CCDC87: variants seen among roughly 807,000 people sequenced by gnomAD.
CCDC87 encodes the protein coiled-coil domain-containing protein 87.
For synonymous variants in CCDC87, 434 were observed against 440.2 expected, an observed-to-expected ratio of 0.99 and a Z score of 0.18; for missense variants, 1,072 against 1,041.7, an observed-to-expected ratio of 1.03 and a Z score of -0.40.
chr11:66,590,601 G>C lies in CCDC87; in HGVS notation c.2415C>G (p.Tyr805Ter). The change falls in exon 1 of 1, where the codon TAC becomes TAG. Residue 805 changes from tyrosine to a stop codon, truncating the protein, a stop_gained. Transcript: ENST00000333861. LOFTEE classifies it low-confidence loss of function (END_TRUNC). The stretch of plus-strand genomic sequence containing the variant: ...CTTTGTCACTCTTCATCTTGTCCAG[G>C]TAGGGCCGCCCCTTGAAGATCACTG... ...GEPVIFKGRP[Y>*]LDKMKSDKVE... 2 of 1,614,210 alleles carry C rather than the reference G, an allele frequency of 1.2e-6. No individual in the cohort carries two copies. The highest frequency in any genetic ancestry group is 1.7e-6 in the Non-Finnish European group (2 of 1,180,044).
chr11:66,591,579 T>C lies in CCDC87; in HGVS notation c.1437A>G (p.Glu479=). The C allele has an allele frequency of 1.2e-6, 2 of 1,614,172 alleles. No homozygotes were observed. Among genetic ancestry groups the C allele is most frequent in the South Asian group, 2.2e-5 (2 of 91,084 alleles). Residue 479 remains glutamate, a synonymous_variant, in exon 1 of 1, where the codon GAA becomes GAG. Coordinates refer to ENST00000333861, the MANE Select transcript of CCDC87 (RefSeq NM_018219.3). The part of the protein sequence containing the change: ...LAGELDPKAI[E]KMDIDNFVGS... ...CAACAAAGTTATCAATATCCATTTT[T>C]TCAATGGCTTTGGGATCCAGTTCAC...
chr11:66,590,851 T>C lies in CCDC87; in HGVS notation c.2165A>G (p.Glu722Gly). 1.2e-6 allele frequency: 2 copies of C among 1,613,930 alleles called. No homozygotes were observed. Among genetic ancestry groups the C allele is most frequent in the Admixed American group, 1.7e-5 (1 of 60,032 alleles). Residue 722 changes from glutamate (E) to glycine (G), a missense_variant, in exon 1 of 1, where the codon GAG becomes GGG. Coordinates refer to ENST00000333861, the MANE Select transcript of CCDC87 (RefSeq NM_018219.3). ...CAGCTGAATGGGCTTCAGGGCCCGC[T>C]CCCAGGCATTCACCAATGAAGGCAG... The part of the protein sequence containing the change: ...RQLPSLVNAW[E>G]RALKPIQLRE...
At position 66,591,563 on chromosome 11, in the gene CCDC87, T is replaced by C; in HGVS notation, c.1453A>G (p.Asn485Asp). Residue 485 changes from asparagine to aspartate, a missense_variant, in exon 1 of 1, where the codon AAC becomes GAC. Asn to Asp is a conservative substitution (Grantham distance 23, BLOSUM62 1). Transcript: ENST00000333861. ...TCCCTGGTAGTACTGCCAACAAAGT[T>C]ATCAATATCCATTTTTTCAATGGCT... ...PKAIEKMDIDNFVGSTTREVY... is the reference protein window; with the variant it reads ...PKAIEKMDIDDFVGSTTREVY... The C allele has an allele frequency of 6.2e-7, 1 of 1,614,154 alleles. No homozygotes were observed. The highest frequency in any genetic ancestry group is 1.1e-5 in the South Asian group (1 of 91,086).
rs760772674 is a variant in CCDC87, at chr11:66,592,301, ACT to A, written c.713_714del (p.Glu238ValfsTer4). On this transcript the variant is annotated frameshift_variant, in exon 1 of 1. Coordinates refer to ENST00000333861, the MANE Select transcript of CCDC87 (RefSeq NM_018219.3). LOFTEE classifies it low-confidence loss of function (END_TRUNC). ...TCCATCCTTCCTGGCTCATTGAGAA[ACT>A]CTGGTGGACGGCTGAGTTGGATGAG... is the stretch of plus-strand genomic sequence containing the variant. The part of the protein sequence containing the change: ...NYLIQLSRPP[E>X]FLNEPGRMDP... 4.3e-6 allele frequency: 7 copies of A among 1,613,808 alleles called. No individual in the cohort carries two copies. The African/African-American group carries it at 5.3e-5, about 12-fold the overall frequency.
chr11:66,592,991 G>A lies in CCDC87; in HGVS notation c.25C>T (p.Pro9Ser). MMEPPKPEPELQRFYHRLL... is the reference protein window; with the variant it reads MMEPPKPESELQRFYHRLL... ...CGGTGGTAAAACCGCTGGAGCTCAGGCTCGGGCTTCGGGGGCTCCATCATA... is the reference window on the plus strand; with the variant it reads ...CGGTGGTAAAACCGCTGGAGCTCAGACTCGGGCTTCGGGGGCTCCATCATA... The change falls in exon 1 of 1, where the codon CCT (proline) becomes TCT (serine). Residue 9 changes from proline to serine, a missense_variant. Transcript: ENST00000333861. The A allele has an allele frequency of 6.6e-7, 1 of 1,514,818 alleles. No individual in the cohort carries two copies. The highest frequency in any genetic ancestry group is 8.8e-7 in the Non-Finnish European group (1 of 1,134,108). The allele number at this position is 1,514,818 out of a possible 1,614,324, so 93.8% of individuals were successfully genotyped here. A position where few individuals can be genotyped will look rare whatever the true frequency, so the allele number is the denominator to read the frequency against.
Position 66,591,595 on chromosome 11 carries a change from T to A in CCDC87, c.1421A>T (p.Asp474Val). 1 of 1,614,110 alleles carries A rather than the reference T, an allele frequency of 6.2e-7. No individual in the cohort carries two copies. The highest frequency in any genetic ancestry group is 8.5e-7 in the Non-Finnish European group (1 of 1,180,016). ...ALYNHLAGEL[D>V]PKAIEKMDID... The stretch of plus-strand genomic sequence containing the variant: ...ATCCATTTTTTCAATGGCTTTGGGA[T>A]CCAGTTCACCAGCCAGATGGTTATA... The change falls in exon 1 of 1, where the codon GAT becomes GTT. Residue 474 changes from aspartate (D) to valine (V), a missense_variant. By Grantham distance (152) the Asp-to-Val change is radical (BLOSUM62 -3). Transcript: ENST00000333861.
rs144321364 is a variant in CCDC87 at position 66,592,082 on chromosome 11, T to G, written c.934A>C (p.Met312Leu). The G allele has an allele frequency of 3.1e-5, 49 of 1,604,346 alleles. No homozygotes were observed. The highest frequency in any genetic ancestry group is 4.0e-5 in the Non-Finnish European group (47 of 1,175,158). The change falls in exon 1 of 1, where the codon ATG (methionine) becomes CTG (leucine). Residue 312 changes from methionine to leucine, a missense_variant. Met to Leu is a conservative substitution (Grantham distance 15). Coordinates refer to ENST00000333861, the MANE Select transcript of CCDC87 (RefSeq NM_018219.3). Reference sequence around the variant, plus strand: ...CTCCAGCCCTCACGCAGGGAGGGCATGGATTGGCCTCTCCGGAGCTCAGGG... The same window carrying G: ...CTCCAGCCCTCACGCAGGGAGGGCAGGGATTGGCCTCTCCGGAGCTCAGGG... ...FCPELRRGQS[M>L]PSLREGWRLA...
rs576160562 is a variant in CCDC87, at chr11:66,590,339, T to C, written c.*127A>G. 2.4e-5 allele frequency: 17 copies of C among 702,714 alleles called. No individual in the cohort carries two copies. Among genetic ancestry groups the C allele is most frequent in the Non-Finnish European group, 4.2e-5 (17 of 409,630 alleles). The allele number at this position is 702,714 out of a possible 1,614,324, so 43.5% of individuals were successfully genotyped here. A position where few individuals can be genotyped will look rare whatever the true frequency, so the allele number is the denominator to read the frequency against. On this transcript the variant is annotated 3_prime_UTR_variant, in exon 1 of 1. Transcript: ENST00000333861. ...TTCCTGAACCCTCCACTCCCAGATA[T>C]AGACAAATATTTCTTCTTCCAAAGC...
rs767177309 is a variant in CCDC87 at position 66,592,459 on chromosome 11, T to C, written c.557A>G (p.Glu186Gly). The change falls in exon 1 of 1, where the codon GAG becomes GGG. Residue 186 changes from glutamate to glycine, a missense_variant. Physicochemically the swap from Glu to Gly is moderately conservative, Grantham distance 98 (BLOSUM62 -2). Transcript: ENST00000333861. ...CTTGTCCACATCCCCAGAGGCCTGCTCTGCCCTCAGCAGGGCCTGGAAGTC... is the reference window on the plus strand; with the variant it reads ...CTTGTCCACATCCCCAGAGGCCTGCCCTGCCCTCAGCAGGGCCTGGAAGTC... ...LADFQALLRAEQASGDVDKLH... is the reference protein window; with the variant it reads ...LADFQALLRAGQASGDVDKLH... The C allele has an allele frequency of 5.6e-6, 9 of 1,613,798 alleles. No individual in the cohort carries two copies. In the African/African-American group the frequency reaches 1.1e-4, roughly 19 times the overall value.
rs879082571 is a variant in CCDC87, at chr11:66,591,771, G to T, written c.1245C>A (p.Asp415Glu). 18 of 1,613,482 alleles carry T rather than the reference G, an allele frequency of 1.1e-5. No individual in the cohort carries two copies. The highest frequency in any genetic ancestry group is 6.7e-5 in the Admixed American group (4 of 59,984). ...LQEEEASGQW[D>E]PQPPKSFPLH... ...GTGGAAAGGATTTGGGGGGCTGGGGGTCCCACTGCCCAGAGGCTTCTTCCT... is the reference window on the plus strand; with the variant it reads ...GTGGAAAGGATTTGGGGGGCTGGGGTTCCCACTGCCCAGAGGCTTCTTCCT... The change falls in exon 1 of 1, where the codon GAC (aspartate) becomes GAA (glutamate). Residue 415 changes from aspartate (D) to glutamate (E), a missense_variant. Physicochemically the swap from Asp to Glu is conservative, Grantham distance 45. Transcript: ENST00000333861.
At position 66,592,044 on chromosome 11, in the gene CCDC87, C is replaced by T. The variant is rs1490225442; in HGVS notation, c.972G>A (p.Glu324=). 1 of 1,613,356 alleles carries T rather than the reference C, an allele frequency of 6.2e-7. No individual in the cohort carries two copies. The highest frequency in any genetic ancestry group is 1.6e-4 in the Middle Eastern group (1 of 6,062). ...SLREGWRLAD[E]LGLPPLPSRP... is the part of the protein sequence containing the mutation. The stretch of plus-strand genomic sequence containing the variant: ...GAGATGGGAGTGGAGGAAGGCCCAA[C>T]TCATCTGCCAGCCTCCAGCCCTCAC... Residue 324 remains glutamate, a synonymous_variant, in exon 1 of 1, where the codon GAG becomes GAA. Transcript: ENST00000333861.
Position 66,592,992 on chromosome 11 carries a change from C to T in CCDC87, c.24G>A (p.Glu8=), listed in dbSNP as rs771505154. MMEPPKP[E]PELQRFYHRL... Reference sequence around the variant, plus strand: ...GGTGGTAAAACCGCTGGAGCTCAGGCTCGGGCTTCGGGGGCTCCATCATAG... The same window carrying T: ...GGTGGTAAAACCGCTGGAGCTCAGGTTCGGGCTTCGGGGGCTCCATCATAG... The change falls in exon 1 of 1, where the codon GAG becomes GAA. Residue 8 remains glutamate, a synonymous_variant. Coordinates refer to ENST00000333861, the MANE Select transcript of CCDC87 (RefSeq NM_018219.3). 2 of 1,514,814 alleles carry T rather than the reference C, an allele frequency of 1.3e-6. No homozygotes were observed. Among genetic ancestry groups the T allele is most frequent in the East Asian group, 4.6e-5 (2 of 43,830 alleles). The allele number at this position is 1,514,814 out of a possible 1,614,324, so 93.8% of individuals were successfully genotyped here.
rs1175469899 is a variant in CCDC87 at position 66,592,173 on chromosome 11, TG to T, written c.842del (p.Ser281TyrfsTer55). 8 of 1,594,076 alleles carry T rather than the reference TG, an allele frequency of 5.0e-6. No individual in the cohort carries two copies. The Admixed American group carries it at 1.2e-4, about 24-fold the overall frequency. On this transcript the variant is annotated frameshift_variant, in exon 1 of 1. Transcript: ENST00000333861. LOFTEE classifies it low-confidence loss of function (END_TRUNC). Reference sequence around the variant, plus strand: ...GATAGCTGGGCAGCGACACCATCTGTGAGGAACTGATGTCGATTTCTCTCTT... The same window carrying T: ...GATAGCTGGGCAGCGACACCATCTGTAGGAACTGATGTCGATTTCTCTCTT... ...GKKREIDISS[S>X]QMVSLPSYPV... is the part of the protein sequence containing the mutation.
In CCDC87 at chr11:66,590,323, C is replaced by G. The variant is rs1590824381; in HGVS notation, c.*143G>C. The G allele has an allele frequency of 7.9e-6, 5 of 635,762 alleles. No homozygotes were observed. In the East Asian group the frequency reaches 1.1e-4, roughly 14 times the overall value. The allele number at this position is 635,762 out of a possible 1,614,324, so 39.4% of individuals were successfully genotyped here. A position where few individuals can be genotyped will look rare whatever the true frequency, so the allele number is the denominator to read the frequency against. On this transcript the variant is annotated 3_prime_UTR_variant, in exon 1 of 1. Transcript: ENST00000333861. Reference sequence around the variant, plus strand: ...AGTTGGAAGCATAATGTTCCTGAACCCTCCACTCCCAGATATAGACAAATA... The same window carrying G: ...AGTTGGAAGCATAATGTTCCTGAACGCTCCACTCCCAGATATAGACAAATA...
At position 66,592,524 on chromosome 11, in the gene CCDC87, G is replaced by A. The variant is rs1224905015; in HGVS notation, c.492C>T (p.Leu164=). ...GGTAGACGTTGGGACTAGTAAGGAA[G>A]AGTGTGCAGTCCCTGGCGAGGCTGG... is the stretch of plus-strand genomic sequence containing the variant. ...LAASLARDCT[L]FLTSPNVYRG... Residue 164 remains leucine (L), a synonymous_variant, in exon 1 of 1, where the codon CTC becomes CTT. Transcript: ENST00000333861. The A allele has an allele frequency of 6.2e-6, 10 of 1,613,502 alleles. No homozygotes were observed. The highest frequency in any genetic ancestry group is 7.6e-6 in the Non-Finnish European group (9 of 1,180,036).
rs1419206131 is a variant in CCDC87 at position 66,592,726 on chromosome 11, T to C, written c.290A>G (p.Glu97Gly). Reference protein sequence around the residue: ...ILDELKCSWREPPAELSLSHK... With the variant: ...ILDELKCSWRGPPAELSLSHK... ...GCTCAGACTAAGTTCGGCGGGCGGCTCCCGCCAGCTGCACTTCAGCTCGTC... is the reference window on the plus strand; with the variant it reads ...GCTCAGACTAAGTTCGGCGGGCGGCCCCCGCCAGCTGCACTTCAGCTCGTC... Residue 97 changes from glutamate to glycine, a missense_variant, in exon 1 of 1, where the codon GAG (glutamate) becomes GGG (glycine). By Grantham distance (98) the Glu-to-Gly change is moderately conservative. Transcript: ENST00000333861. 6 of 1,613,852 alleles carry C rather than the reference T, an allele frequency of 3.7e-6. No individual in the cohort carries two copies. Among genetic ancestry groups the C allele is most frequent in the Non-Finnish European group, 4.2e-6 (5 of 1,180,008 alleles).
chr11:66,590,284 C>A lies in CCDC87; in HGVS notation c.*182G>T. The A allele has an allele frequency of 1.8e-6, 1 of 567,854 alleles. No individual in the cohort carries two copies. Among genetic ancestry groups the A allele is most frequent in the Non-Finnish European group, 3.1e-6 (1 of 322,828 alleles). The allele number at this position is 567,854 out of a possible 1,614,324, so 35.2% of individuals were successfully genotyped here. A position where few individuals can be genotyped will look rare whatever the true frequency, so the allele number is the denominator to read the frequency against. On this transcript the variant is annotated 3_prime_UTR_variant, in exon 1 of 1. Coordinates refer to ENST00000333861, the MANE Select transcript of CCDC87 (RefSeq NM_018219.3). ...TCACTAAGAAAACAATAGTTTTAGT[C>A]TCAATCCCTTCATAGTTGGAAGCAT...
At position 66,592,850 on chromosome 11, in the gene CCDC87, C is replaced by T. The variant is rs765436279; in HGVS notation, c.166G>A (p.Ala56Thr). Reference sequence around the variant, plus strand: ...TTGGCCACCTGGCTGCACAGCGACGCCACCGTCAGCTTCGCCAGAGGGAAG... The same window carrying T: ...TTGGCCACCTGGCTGCACAGCGACGTCACCGTCAGCTTCGCCAGAGGGAAG... ...QSFPLAKLTV[A>T]SLCSQVAKLL... Residue 56 changes from alanine to threonine, a missense_variant, in exon 1 of 1, where the codon GCG becomes ACG. By Grantham distance (58) the Ala-to-Thr change is moderately conservative (BLOSUM62 0). Transcript: ENST00000333861. 2 of 1,576,170 alleles carry T rather than the reference C, an allele frequency of 1.3e-6. No homozygotes were observed. The highest frequency in any genetic ancestry group is 1.7e-6 in the Non-Finnish European group (2 of 1,160,932).
At position 66,592,711 on chromosome 11, in the gene CCDC87, A is replaced by C. The variant is rs1352120606; in HGVS notation, c.305T>G (p.Leu102Arg). 6.2e-7 allele frequency: 1 copy of C among 1,613,958 alleles called. No homozygotes were observed. The highest frequency in any genetic ancestry group is 1.3e-5 in the African/African-American group (1 of 74,950). The change falls in exon 1 of 1, where the codon CTT (leucine) becomes CGT (arginine). Residue 102 changes from leucine (L) to arginine (R), a missense_variant. Transcript: ENST00000333861. ...CTGGTTGTTTTTGTGGCTCAGACTA[A>C]GTTCGGCGGGCGGCTCCCGCCAGCT... ...KCSWREPPAELSLSHKNNQKL... is the reference protein window; with the variant it reads ...KCSWREPPAERSLSHKNNQKL...
Sources: gnomAD v4.1 joint callset for allele counts on GRCh38, gnomAD v4.1.1 for gene constraint, MANE v1.5 for transcripts, NCBI Gene and HGNC (gene_info 2026-07-23, HGNC 2026-07-21) for gene names.